The following CPA6 variants were observed in gnomAD, a reference collection of about 807,000 sequenced individuals.
CPA6 encodes the protein carboxypeptidase B.
Under a neutral mutation model 63.3 loss-of-function variants are expected in CPA6, and 58 were observed. The observed-to-expected ratio is 0.92, with a 90% confidence interval of 0.74 to 1.14. The LOEUF (loss-of-function observed/expected upper bound fraction) is 1.14. CPA6 is among the 50% of genes most tolerant of loss of function. The probability of loss-of-function intolerance (pLI) is 0.00; values close to 1 mark genes in which losing one functional copy is unlikely to be tolerated. For synonymous variants in CPA6, 185 were observed against 179.0 expected, an observed-to-expected ratio of 1.03 and a Z score of -0.27; for missense variants, 565 against 526.6, an observed-to-expected ratio of 1.07 and a Z score of -0.71.
In CPA6 at chr8:67,548,595, G is replaced by A. The variant is rs570692767; in HGVS notation, c.193-30548C>T. On this transcript the variant is annotated intron_variant, in intron 2 of 10. Coordinates refer to ENST00000297770, the MANE Select transcript of CPA6 (RefSeq NM_020361.5). ...AGAAAGATAACGACCAAAAAACAAA[G>A]GAAGAACAACTATGAGATGATATGT... is the stretch of plus-strand genomic sequence containing the variant. Among the ~76,000 whole-genome samples, 62 of 152,196 alleles carry A rather than the reference G, an allele frequency of 4.1e-4. 1 individual carries two copies. The South Asian group carries it at 0.011, about 26-fold the overall frequency.
chr8:67,591,942 A>G (rs1322401557), intron 2 of CPA6, among the ~76,000 whole-genome samples: 2 of 152,208 alleles, frequency 1.3e-5, no homozygotes, highest in Non-Finnish European at 2.9e-5. Context: ...GAGTGATGAG[A>G]GAGGGCATCC....
intron 8 of CPA6, among the ~76,000 whole-genome samples, chr8:67,470,041 CT>C (rs1261574833): frequency 4.5e-5 from 6 of 132,142 alleles, no homozygotes; most frequent in South Asian, 2.6e-4. Flanking sequence ...TTTTTTTTTT[CT>C]TTTTTTTTTC....
At chr8:67,693,698 C>T (rs894608135) in intron 1 of CPA6, among the ~76,000 whole-genome samples, 3 of 152,164 alleles carry the variant, frequency 2.0e-5, no homozygotes, top group Admixed American at 6.5e-5. Flanking sequence ...GGAGGTGGGT[C>T]CTCACCAGAC....
intron 8 of CPA6, among the ~76,000 whole-genome samples, chr8:67,475,947 T>C: frequency 7.0e-6 from 1 of 142,228 alleles, no homozygotes; most frequent in African/African-American, 2.8e-5. Context: ...TTTCTTTCTC[T>C]GTCTTTCTTT....
chr8:67,554,006 C>T (rs1346628151), intron 2 of CPA6, among the ~76,000 whole-genome samples: 1 of 152,024 alleles, frequency 6.6e-6, no homozygotes, highest in African/African-American at 2.4e-5. Flanking sequence ...ATCTATTTAC[C>T]ACTGTGACAT....
At chr8:67,613,880 G>A (rs1814872760) in intron 2 of CPA6, among the ~76,000 whole-genome samples, 3 of 152,182 alleles carry the variant, frequency 2.0e-5, no homozygotes, top group South Asian at 4.1e-4. Flanking sequence ...AGAATGATGC[G>A]GCAGAGAGAG....
chr8:67,538,512 G>GTTTTTTTTTTTT lies in CPA6; in HGVS notation c.193-20477_193-20466dup, dbSNP rs139665944. ...ATCAGAGACTAGGATTGCAACCCCT[G>GTTTTTTTTTTTT]TTTTTTTTTTTTTTTTTTTTTGCTT... On this transcript the variant is annotated intron_variant, in intron 2 of 10. Coordinates refer to ENST00000297770, the MANE Select transcript of CPA6 (RefSeq NM_020361.5). Among the ~76,000 whole-genome samples, 12 of 90,786 alleles carry GTTTTTTTTTTTT rather than the reference G, an allele frequency of 1.3e-4. 1 individual carries two copies. The highest frequency in any genetic ancestry group is 2.2e-4 in the African/African-American group (5 of 23,038). The allele number at this position is 90,786 out of a possible 152,430, so 59.6% of individuals were successfully genotyped here.
At chr8:67,630,797 C>T (rs1348314398) in intron 1 of CPA6, among the ~76,000 whole-genome samples, 2 of 152,224 alleles carry the variant, frequency 1.3e-5, no homozygotes, top group Admixed American at 1.3e-4. Flanking sequence ...TGGCCGCAGG[C>T]TCCGCGGCCC....
chr8:67,701,573 A>C (rs899019628), intron 1 of CPA6, among the ~76,000 whole-genome samples: 12 of 152,172 alleles, frequency 7.9e-5, no homozygotes, highest in Admixed American at 7.2e-4. Flanking sequence ...GCTGGTGATT[A>C]TTTTATTTTG....
In CPA6 at chr8:67,528,802, C is replaced by T. The variant is rs73266630; in HGVS notation, c.193-10755G>A. ...ACCGCCACTTGTTCATCCCACTTCACGACATCTGGCACTTTCTAGCTTTAT... is the reference window on the plus strand; with the variant it reads ...ACCGCCACTTGTTCATCCCACTTCATGACATCTGGCACTTTCTAGCTTTAT... On this transcript the variant is annotated intron_variant, in intron 2 of 10. Coordinates refer to ENST00000297770, the MANE Select transcript of CPA6 (RefSeq NM_020361.5). Among the ~76,000 whole-genome samples, 1,468 of 152,072 alleles carry T rather than the reference C, an allele frequency of 9.7e-3. 24 individuals are homozygous for T. Among genetic ancestry groups the T allele is most frequent in the African/African-American group, 0.033 (1,387 of 41,512 alleles).
At chr8:67,699,713 G>A (rs976606233) in intron 1 of CPA6, among the ~76,000 whole-genome samples, 3 of 151,572 alleles carry the variant, frequency 2.0e-5, no homozygotes, top group South Asian at 2.1e-4. Flanking sequence ...TCAGCCTCCC[G>A]AGTAGCTGGG....
intron 2 of CPA6, among the ~76,000 whole-genome samples, chr8:67,606,396 A>G (rs1015920916): frequency 3.3e-5 from 5 of 152,144 alleles, no homozygotes; most frequent in African/African-American, 9.7e-5. Flanking sequence ...ACTAGTCACT[A>G]TGCTCTTTTA....
At chr8:67,617,694 G>T (rs928487923) in intron 2 of CPA6, among the ~76,000 whole-genome samples, 3 of 152,178 alleles carry the variant, frequency 2.0e-5, no homozygotes, top group African/African-American at 7.2e-5. Flanking sequence ...GTTTCTGTAG[G>T]TCAGAAGTCT....
chr8:67,457,890 C>G (rs1342643347), intron 8 of CPA6, among the ~76,000 whole-genome samples: 1 of 152,172 alleles, frequency 6.6e-6, no homozygotes, highest in African/African-American at 2.4e-5. Context: ...TGCCTTTGTT[C>G]CCGTTCTTCC....
At chr8:67,714,886 A>T (rs1294105075) in intron 1 of CPA6, among the ~76,000 whole-genome samples, 1 of 152,168 alleles carries the variant, frequency 6.6e-6, no homozygotes, top group Non-Finnish European at 1.5e-5. Context: ...TTATAGTGTC[A>T]TTTGAGAATT....
chr8:67,538,861 G>A (rs1433000918), intron 2 of CPA6, among the ~76,000 whole-genome samples: 6 of 152,148 alleles, frequency 3.9e-5, no homozygotes, highest in South Asian at 4.1e-4. Flanking sequence ...TGGTTTCACC[G>A]TGTTAGCCAG....
At chr8:67,691,797 T>C (rs1816818711) in intron 1 of CPA6, among the ~76,000 whole-genome samples, 1 of 152,180 alleles carries the variant, frequency 6.6e-6, no homozygotes. Flanking sequence ...TTAGTAAAAA[T>C]AATGAAGTAG....
intron 6 of CPA6, among the ~76,000 whole-genome samples, chr8:67,503,014 T>C (rs1209932042): frequency 6.6e-6 from 1 of 152,118 alleles, no homozygotes; most frequent in Admixed American, 6.6e-5. Flanking sequence ...CTTTATATCC[T>C]TGATTTTTTA....
intron 8 of CPA6, among the ~76,000 whole-genome samples, chr8:67,472,719 C>A (rs562096567): frequency 6.6e-6 from 1 of 152,056 alleles, no homozygotes; most frequent in Non-Finnish European, 1.5e-5. Flanking sequence ...TGAACCATTG[C>A]GCCTGGCTTG....
Sources: gnomAD v4.1 joint callset for allele counts (sites outside exome capture counted in the v4.1 genomes callset) on GRCh38, gnomAD v4.1.1 for gene constraint, MANE v1.5 for transcripts, NCBI Gene and HGNC (gene_info 2026-07-23, HGNC 2026-07-21) for gene names.